Variants in WDR17 observed in about 807,000 individuals in gnomAD.
WDR17 encodes WD repeat-containing protein 17.
A neutral mutation model predicts 161.7 loss-of-function variants in WDR17; 143 were observed. The ratio of observed to expected loss-of-function variants is 0.88; its 90% CI spans 0.77 to 1.02. The LOEUF (loss-of-function observed/expected upper bound fraction) is 1.02. Among genes scored for constraint, WDR17 ranks in the 50% least tolerant of loss-of-function variants. The pLI, the probability that WDR17 is intolerant of heterozygous loss-of-function variation, is 0.00. For synonymous variants in WDR17, 517 were observed against 515.6 expected, an observed-to-expected ratio of 1.00 and a Z score of -0.04; for missense variants, 1,469 against 1,520.9, an observed-to-expected ratio of 0.97 and a Z score of 0.57.
chr4:176,073,812 T>C (rs1437878746), intron 1 of WDR17, among the ~76,000 whole-genome samples: 1 of 152,140 alleles, frequency 6.6e-6, no homozygotes, highest in African/African-American at 2.4e-5. Context: ...TGGTGTGAGA[T>C]GGTATGTCAT....
intron 1 of WDR17, among the ~76,000 whole-genome samples, chr4:176,068,920 A>C (rs1056293775): frequency 6.6e-6 from 1 of 152,224 alleles, no homozygotes; most frequent in Non-Finnish European, 1.5e-5. Flanking sequence ...GAGTTTACTT[A>C]AAATGTTCAC....
chr4:176,157,417 A>T (rs1748328873), intron 18 of WDR17, among the ~76,000 whole-genome samples: 2 of 152,210 alleles, frequency 1.3e-5, no homozygotes, highest in Admixed American at 1.3e-4. Flanking sequence ...ATGGGAAAGT[A>T]GACTGTTCCC....
Position 176,128,792 on chromosome 4 carries a change from ATAATCT to A in WDR17, c.849_854del (p.Asn283_Leu284del). On this transcript the variant is annotated inframe_deletion, in exon 6 of 29. Transcript: ENST00000508596. ...AATGTTTCAAGAACAACACCTATTG[ATAATCT>A]TAAATTAAAGAAAACAGGATTTCAC... 1 of 1,606,758 alleles carries A rather than the reference ATAATCT, an allele frequency of 6.2e-7. No individual in the cohort carries two copies. The highest frequency in any genetic ancestry group is 8.5e-7 in the Non-Finnish European group (1 of 1,177,154).
intron 22 of WDR17, among the ~76,000 whole-genome samples, 198 bp from the exon 23 acceptor site, chr4:176,168,474 A>G (rs1349226406): frequency 6.6e-6 from 1 of 152,218 alleles, no homozygotes; most frequent in Non-Finnish European, 1.5e-5. Context: ...ATTTATAAAT[A>G]CATTTGTTGT....
Position 176,146,000 on chromosome 4 carries a change from T to A in WDR17, c.1535T>A (p.Met512Lys), listed in dbSNP as rs200122949. The change falls in exon 12 of 29, where the codon ATG becomes AAG. Residue 512 changes from methionine to lysine, a missense_variant. Coordinates refer to ENST00000508596, the MANE Select transcript of WDR17 (RefSeq NM_181265.4). ...GCDWSQNNKD[M>K]IATGCEDTNV... is the part of the protein sequence containing the mutation. ...TTCCATTGATGATATTTCAGAGACATGATAGCCACTGGCTGTGAAGACACA... is the reference window on the plus strand; with the variant it reads ...TTCCATTGATGATATTTCAGAGACAAGATAGCCACTGGCTGTGAAGACACA... 1.2e-4 allele frequency: 200 copies of A among 1,613,110 alleles called. No homozygotes were observed. The highest frequency in any genetic ancestry group is 3.3e-4 in the Middle Eastern group (2 of 6,056).
rs888235618 is a variant in WDR17 at position 176,087,116 on chromosome 4, A to T, written c.-7+21037A>T. ...CATTTTGTATAGTTAATATTTATTT[A>T]TATTTAACTACATATTTTCCCTTTC... is the stretch of plus-strand genomic sequence containing the variant. On this transcript the variant is annotated intron_variant, in intron 1 of 28. Transcript: ENST00000508596. Among the ~76,000 whole-genome samples the T allele has an allele frequency of 5.9e-5, 9 of 151,908 alleles. 1 individual carries two copies. The South Asian group carries it at 1.9e-3, about 31-fold the overall frequency.
intron 1 of WDR17, among the ~76,000 whole-genome samples, chr4:176,091,326 A>G (rs183843011): frequency 1.3e-5 from 2 of 152,352 alleles, no homozygotes; most frequent in Non-Finnish European, 2.9e-5. Context: ...ATAAAACTAG[A>G]AATTAGTAAC....
chr4:176,142,116 A>C (rs1255360496), intron 11 of WDR17, 47 bp downstream of exon 11: 9 of 1,485,074 alleles, frequency 6.1e-6, no homozygotes, highest in Non-Finnish European at 7.5e-6. Context: ...CATTTTGGAA[A>C]TTTTAAATAA....
intron 1 of WDR17, among the ~76,000 whole-genome samples, chr4:176,086,910 T>C (rs901292798): frequency 2.0e-5 from 3 of 151,854 alleles, no homozygotes; most frequent in African/African-American, 7.2e-5. Context: ...TGTTCCTTTT[T>C]ATAATTACCC....
At chr4:176,102,784 G>C (rs1438490297) in intron 1 of WDR17, among the ~76,000 whole-genome samples, 2 of 152,086 alleles carry the variant, frequency 1.3e-5, no homozygotes, top group Non-Finnish European at 2.9e-5. Flanking sequence ...ATCTATGAAG[G>C]CTTGCAACTT....
chr4:176,131,947 T>G (rs1743534169), intron 7 of WDR17, among the ~76,000 whole-genome samples: 1 of 152,096 alleles, frequency 6.6e-6, no homozygotes, highest in African/African-American at 2.4e-5. Context: ...ACTTCAAAAG[T>G]CTTAATGTCT....
At position 176,177,119 on chromosome 4, in the gene WDR17, T is replaced by C. The variant is rs564336803; in HGVS notation, c.3511T>C (p.Leu1171=). Residue 1171 remains leucine (L), a synonymous_variant, in exon 27 of 29, where the codon TTG becomes CTG. Coordinates refer to ENST00000508596, the MANE Select transcript of WDR17 (RefSeq NM_181265.4). ...PLKIEYLSEE[L]DAWRACTQST... Reference sequence around the variant, plus strand: ...AAAAATTGAATATCTTTCTGAGGAATTGGATGCATGGAGAGCTTGCACACA... The same window carrying C: ...AAAAATTGAATATCTTTCTGAGGAACTGGATGCATGGAGAGCTTGCACACA... 1 of 1,613,780 alleles carries C rather than the reference T, an allele frequency of 6.2e-7. No individual in the cohort carries two copies. The highest frequency in any genetic ancestry group is 1.3e-5 in the African/African-American group (1 of 75,006).
intron 1 of WDR17, chr4:176,098,167 T>C (rs966174432): frequency 1.6e-5 from 3 of 188,818 alleles, no homozygotes; most frequent in Non-Finnish European, 3.5e-5. Flanking sequence ...ACTTATGCCC[T>C]CCTGGTGCTT....
chr4:176,165,100 G>A (rs1282255432), intron 22 of WDR17, among the ~76,000 whole-genome samples: 4 of 151,348 alleles, frequency 2.6e-5, no homozygotes, highest in African/African-American at 9.7e-5. Flanking sequence ...GCCAAGGTGG[G>A]TGGATCACCT....
At chr4:176,092,932 C>G (rs1429277178) in intron 1 of WDR17, among the ~76,000 whole-genome samples, 1 of 152,110 alleles carries the variant, frequency 6.6e-6, no homozygotes, top group African/African-American at 2.4e-5. Context: ...GTCCCAGCTA[C>G]TTTGGTGGTT....
rs764147138 is a variant in WDR17, at chr4:176,162,084, C to A, written c.2760C>A (p.His920Gln). ...IYKEDFNELL[H>Q]KVSKELAEWY... ...ATTTTTTTCTTTCTAGACTCCTGCA[C>A]AAAGTCAGTAAAGAACTGGCAGAAT... The change falls in exon 21 of 29, where the codon CAC (histidine) becomes CAA (glutamine). Residue 920 changes from histidine to glutamine, a missense_variant. Coordinates refer to ENST00000508596, the MANE Select transcript of WDR17 (RefSeq NM_181265.4). 2 of 1,611,870 alleles carry A rather than the reference C, an allele frequency of 1.2e-6. No individual in the cohort carries two copies. Among genetic ancestry groups the A allele is most frequent in the Non-Finnish European group, 1.7e-6 (2 of 1,179,016 alleles).
chr4:176,117,199 A>T (rs776544048), intron 3 of WDR17, among the ~76,000 whole-genome samples: 28 of 151,992 alleles, frequency 1.8e-4, no homozygotes, highest in Non-Finnish European at 3.5e-4. Flanking sequence ...GTGATATATA[A>T]ATTGTGATTG....
intron 1 of WDR17, among the ~76,000 whole-genome samples, chr4:176,108,793 CTT>C (rs1314836960): frequency 6.6e-6 from 1 of 151,860 alleles, no homozygotes; most frequent in East Asian, 1.9e-4. Flanking sequence ...TTTAAAATGA[CTT>C]TTGTTTATTT....
intron 6 of WDR17, among the ~76,000 whole-genome samples, chr4:176,131,265 G>A (rs984815058): frequency 1.3e-5 from 2 of 152,072 alleles, no homozygotes; most frequent in African/African-American, 4.8e-5. Context: ...TAATCATGCT[G>A]AGCTTTAATT....
Sources: allele counts gnomAD v4.1 joint callset (sites outside exome capture counted in the v4.1 genomes callset), GRCh38; gene constraint gnomAD v4.1.1; transcripts MANE v1.5; gene names NCBI Gene and HGNC (gene_info 2026-07-23, HGNC 2026-07-21).